Variants in OXR1 observed in about 807,000 individuals in gnomAD.
OXR1 encodes the protein oxidation resistance protein 1.
OXR1 carries 41 observed loss-of-function variants against 104.6 expected under a neutral mutation model. That is an observed-to-expected ratio of 0.39 (90% CI 0.31 to 0.51). OXR1 has a LOEUF of 0.51. Ranked by LOEUF, OXR1 falls within the 20% of genes least tolerant of loss-of-function variation. The probability of loss-of-function intolerance (pLI) is 0.77; values close to 1 mark genes in which losing one functional copy is unlikely to be tolerated. For missense variants in OXR1, 955 were observed against 1,031.9 expected, an observed-to-expected ratio of 0.93 and a Z score of 1.02; for synonymous variants, 348 against 348.4, an observed-to-expected ratio of 1.00 and a Z score of 0.01.
At chr8:106,431,070 C>T (rs550128423) in intron 2 of OXR1, among the ~76,000 whole-genome samples, 1 of 152,154 alleles carries the variant, frequency 6.6e-6, no homozygotes, top group South Asian at 2.1e-4. Flanking sequence ...CTGTTGGAGC[C>T]CTGAGCTGAC....
At chr8:106,556,392 T>C (rs575696685) in intron 3 of OXR1, among the ~76,000 whole-genome samples, 3 of 152,276 alleles carry the variant, frequency 2.0e-5, no homozygotes, top group South Asian at 4.1e-4. Context: ...GATTGGGCCA[T>C]CAAGGAAAGC....
In OXR1 at chr8:106,279,490, T is replaced by G. The variant is rs376136125; in HGVS notation, c.-139+9123T>G. The stretch of plus-strand genomic sequence containing the variant: ...TTTTTAAATTATTTTTGCTGTCTAA[T>G]GGGACTGAAAATAAAAGGTTTTTAG... On this transcript the variant is annotated intron_variant, in intron 1 of 16. Coordinates refer to ENST00000517566, the MANE Select transcript of OXR1 (RefSeq NM_001198533.2). 2.0e-5 allele frequency among the ~76,000 whole-genome samples: 3 copies of G among 152,340 alleles called. No homozygotes were observed. In the East Asian group the frequency reaches 5.8e-4, roughly 29 times the overall value.
At chr8:106,739,321 T>C (rs3739323) in intron 12 of OXR1, 137 bp from the exon 13 acceptor site, 9,746 of 704,722 alleles carry the variant, frequency 0.014, 140 homozygotes, top group Admixed American at 0.06. Context: ...GGGCCATCTT[T>C]TGCCCTATAA....
chr8:106,391,777 T>C (rs1817595474), intron 2 of OXR1, among the ~76,000 whole-genome samples: 1 of 152,188 alleles, frequency 6.6e-6, no homozygotes, highest in Non-Finnish European at 1.5e-5. Context: ...TTATTTCTGA[T>C]GGCTAAAGCC....
intron 1 of OXR1, among the ~76,000 whole-genome samples, chr8:106,313,647 G>T (rs931258996): frequency 3.3e-5 from 5 of 151,534 alleles, no homozygotes; most frequent in African/African-American, 4.9e-5. Flanking sequence ...TTCTCCTTTT[G>T]CTAGGACAAA....
At chr8:106,708,439 C>G (rs1431328950) in intron 9 of OXR1, among the ~76,000 whole-genome samples, 1 of 151,994 alleles carries the variant, frequency 6.6e-6, no homozygotes, top group Admixed American at 6.6e-5. Flanking sequence ...ACTTGCTTTT[C>G]TCCCTTCCTC....
At chr8:106,667,842 A>T (rs763519481) in intron 3 of OXR1, among the ~76,000 whole-genome samples, 19 of 152,026 alleles carry the variant, frequency 1.2e-4, no homozygotes, top group Non-Finnish European at 2.5e-4. Flanking sequence ...CATCACTTCT[A>T]TGTGTATGTA....
intron 1 of OXR1, among the ~76,000 whole-genome samples, chr8:106,349,329 G>A (rs1815628660): frequency 6.6e-6 from 1 of 151,992 alleles, no homozygotes. Context: ...TAAAAAATTA[G>A]GATGTTTGTC....
intron 3 of OXR1, among the ~76,000 whole-genome samples, chr8:106,556,983 T>C (rs1676423): frequency 0.63 from 95,926 of 152,010 alleles, 30,664 homozygotes; most frequent in South Asian, 0.75. Context: ...ACCTTGAAGA[T>C]ATTTACGCAG....
At chr8:106,681,515 T>A (rs554969046) in intron 4 of OXR1, among the ~76,000 whole-genome samples, 48 of 152,260 alleles carry the variant, frequency 3.2e-4, no homozygotes, top group African/African-American at 9.1e-4. Context: ...AATGCCTCTT[T>A]TTTTATTTTA....
intron 15 of OXR1, among the ~76,000 whole-genome samples, chr8:106,743,791 C>A (rs1040156193): frequency 1.3e-5 from 2 of 152,180 alleles, no homozygotes; most frequent in African/African-American, 2.4e-5. Flanking sequence ...TATAAAGATA[C>A]ATGCACACAA....
At chr8:106,484,571 T>C (rs1346402406) in intron 2 of OXR1, among the ~76,000 whole-genome samples, 1 of 151,972 alleles carries the variant, frequency 6.6e-6, no homozygotes, top group Non-Finnish European at 1.5e-5. Flanking sequence ...GAAAAGACGC[T>C]TCATATCATA....
chr8:106,643,130 C>T (rs1429943341), intron 3 of OXR1, among the ~76,000 whole-genome samples: 1 of 152,160 alleles, frequency 6.6e-6, no homozygotes, highest in African/African-American at 2.4e-5. Flanking sequence ...CCGAATGTCA[C>T]TGTGGGTGAA....
chr8:106,549,904 C>G (rs569484445), intron 3 of OXR1, among the ~76,000 whole-genome samples: 5 of 152,222 alleles, frequency 3.3e-5, no homozygotes, highest in African/African-American at 1.2e-4. Context: ...TATTTTATCT[C>G]CTGCTTTGGA....
chr8:106,428,920 A>G (rs1395531916), intron 2 of OXR1, among the ~76,000 whole-genome samples: 6 of 152,244 alleles, frequency 3.9e-5, no homozygotes, highest in African/African-American at 1.4e-4. Context: ...ACACCAGCCC[A>G]TGGGTCACCC....
chr8:106,388,555 T>C (rs1046508401), intron 2 of OXR1, among the ~76,000 whole-genome samples: 18 of 152,136 alleles, frequency 1.2e-4, no homozygotes, highest in African/African-American at 4.1e-4. Flanking sequence ...CCCGAGTAGC[T>C]GGGATTACAG....
chr8:106,361,648 C>T (rs1157129549), intron 2 of OXR1, among the ~76,000 whole-genome samples: 1 of 152,142 alleles, frequency 6.6e-6, no homozygotes, highest in Admixed American at 6.6e-5. Context: ...ATATTCCTAA[C>T]ATCTTCTAAT....
chr8:106,737,958 T>C (rs956583929), intron 12 of OXR1, among the ~76,000 whole-genome samples: 3 of 152,166 alleles, frequency 2.0e-5, no homozygotes, highest in African/African-American at 4.8e-5. Context: ...ATAGGAAAAC[T>C]AATAAAAAAT....
At chr8:106,445,898 A>G (rs1011136514) in intron 2 of OXR1, among the ~76,000 whole-genome samples, 1 of 152,206 alleles carries the variant, frequency 6.6e-6, no homozygotes, top group Non-Finnish European at 1.5e-5. Flanking sequence ...TTTCTTAAAA[A>G]CAAGTTGACT....
Sources: gnomAD v4.1 joint callset for allele counts (sites outside exome capture counted in the v4.1 genomes callset) on GRCh38, gnomAD v4.1.1 for gene constraint, MANE v1.5 for transcripts, NCBI Gene and HGNC (gene_info 2026-07-23, HGNC 2026-07-21) for gene names.